Variants in AURKB observed in about 807,000 individuals in gnomAD.
AURKB encodes aurora kinase B.
Under a neutral mutation model 36.5 loss-of-function variants are expected in AURKB, and 28 were observed. The observed-to-expected ratio is 0.77, with a 90% CI of 0.57 to 1.05. The LOEUF (loss-of-function observed/expected upper bound fraction) is 1.05. Ranked by LOEUF, AURKB falls within the 50% of genes least tolerant of loss-of-function variation. The probability of loss-of-function intolerance (pLI) is 0.00; values close to 1 mark genes in which losing one functional copy is unlikely to be tolerated. For missense variants in AURKB, 383 were observed against 447.4 expected (o/e 0.86, Z 1.30); for synonymous variants, 175 against 172.9 (o/e 1.01, Z -0.09).
In AURKB at chr17:8,205,372, G is replaced by A. The variant is rs779524563; in HGVS notation, c.705C>T (p.Gly235=). 8.7e-6 allele frequency: 14 copies of A among 1,614,024 alleles called. No individual in the cohort carries two copies. Among genetic ancestry groups the A allele is most frequent in the Non-Finnish European group, 1.2e-5 (14 of 1,180,000 alleles). ...TCTCTGGGGGCAGGTAGTCCAGGGT[G>A]CCACACATTGTCTTCCTCCTGGGAG... ...APSLRRKTMC[G]TLDYLPPEMI... The change falls in exon 8 of 9, where the codon GGC becomes GGT. Residue 235 remains glycine (G), a synonymous_variant. Transcript: ENST00000585124.
chr17:8,209,957 C>A (rs1985885115), intron 2 of AURKB: 2 of 624,154 alleles, frequency 3.2e-6, no homozygotes, highest in African/African-American at 3.7e-5. Context: ...TCCTCACCAG[C>A]TGGGAGTCAC....
At position 8,207,590 on chromosome 17, in the gene AURKB, C is replaced by T. The variant is rs967208121; in HGVS notation, c.187G>A (p.Gly63Arg). The T allele has an allele frequency of 3.7e-6, 6 of 1,613,714 alleles. No individual in the cohort carries two copies. The highest frequency in any genetic ancestry group is 2.2e-5 in the East Asian group (1 of 44,880). Residue 63 changes from glycine to arginine, a missense_variant, in exon 4 of 9, where the codon GGG becomes AGG. Physicochemically the swap from Gly to Arg is moderately radical, Grantham distance 125. Around this residue, in one of 3 missense-constraint regions of AURKB, gnomAD observed 105 missense variants for 95.7 expected, o/e 1.10. Transcript: ENST00000585124. ...ACTTACGTTAAGATGTCGGGTGTCC[C>T]ACTGCTATTCTCCATCACCTTCTGG... ...PGQKVMENSS[G>R]TPDILTRHFT...
Position 8,207,742 on chromosome 17 carries a change from G to A in AURKB, c.147C>T (p.Pro49=). Residue 49 remains proline (P), a synonymous_variant, in exon 3 of 9, where the codon CCC becomes CCT. Coordinates refer to ENST00000585124, the MANE Select transcript of AURKB (RefSeq NM_004217.4). ...TCTCCCCCTTGCGCCAGTTACCTGT[G>A]GGCTGGACATTGGAGCGGCTCATGA... The part of the protein sequence containing the change: ...LVLMSRSNVQ[P]TAAPGQKVME... 1 of 1,614,104 alleles carries A rather than the reference G, an allele frequency of 6.2e-7. No individual in the cohort carries two copies. Among genetic ancestry groups the A allele is most frequent in the East Asian group, 2.2e-5 (1 of 44,880 alleles).
At position 8,206,767 on chromosome 17, in the gene AURKB, C is replaced by G. The variant is rs199630207; in HGVS notation, c.520G>C (p.Glu174Gln). Residue 174 changes from glutamate (E) to glutamine (Q), a missense_variant, in exon 6 of 9, where the codon GAG becomes CAG. By Grantham distance (29) the Glu-to-Gln change is conservative (BLOSUM62 2). This residue lies in a region of AURKB where 219 missense variants were observed against 252.6 expected (regional missense o/e 0.87). Transcript: ENST00000585124. This position sits in a 1 kb window ranked among gnomAD's most constrained non-coding sequence, Gnocchi z 4.2. ...KELQKSCTFD[E>Q]QRTATIMEEL... ...GCCCGGACCGTGGCTGTTCGCTGCT[C>G]GTCAAATGTGCAGCTCTTCTGCAGC... 5 of 1,613,968 alleles carry G rather than the reference C, an allele frequency of 3.1e-6. No individual in the cohort carries two copies. Among genetic ancestry groups the G allele is most frequent in the African/African-American group, 1.3e-5 (1 of 74,938 alleles).
In AURKB at chr17:8,207,566, C is replaced by T. The variant is rs761751193; in HGVS notation, c.206+5G>A. The T allele has an allele frequency of 1.5e-5, 24 of 1,612,958 alleles. No individual in the cohort carries two copies. The highest frequency in any genetic ancestry group is 2.7e-5 in the African/African-American group (2 of 74,892). On this transcript the variant is annotated splice_donor_5th_base_variant and intron_variant, in intron 4 of 8. Transcript: ENST00000585124. The stretch of plus-strand genomic sequence containing the variant: ...CCCGTCCACCCCCAGGCTTGGGGCA[C>T]TTACGTTAAGATGTCGGGTGTCCCA...
Position 8,206,992 on chromosome 17 carries a change from G to A in AURKB, c.399-104C>T. On this transcript the variant is annotated intron_variant, in intron 5 of 8. Coordinates refer to ENST00000585124, the MANE Select transcript of AURKB (RefSeq NM_004217.4). This position sits in a 1 kb window ranked among gnomAD's most constrained non-coding sequence, Gnocchi z 4.2. Reference sequence around the variant, plus strand: ...GACGTGGCCCAGGCCGGGGACACCAGGGCTGGGAGTGGTAAGGGGAAACTG... The same window carrying A: ...GACGTGGCCCAGGCCGGGGACACCAAGGCTGGGAGTGGTAAGGGGAAACTG... The A allele has an allele frequency of 6.4e-7, 1 of 1,556,200 alleles. No individual in the cohort carries two copies. Among genetic ancestry groups the A allele is most frequent in the South Asian group, 1.2e-5 (1 of 85,646 alleles).
Position 8,206,993 on chromosome 17 carries a change from G to A in AURKB, c.399-105C>T. ...ACGTGGCCCAGGCCGGGGACACCAG[G>A]GCTGGGAGTGGTAAGGGGAAACTGG... On this transcript the variant is annotated intron_variant, in intron 5 of 8. Coordinates refer to ENST00000585124, the MANE Select transcript of AURKB (RefSeq NM_004217.4). This position sits in a 1 kb window ranked among gnomAD's most constrained non-coding sequence, Gnocchi z 4.2. 4 of 1,549,044 alleles carry A rather than the reference G, an allele frequency of 2.6e-6. No individual in the cohort carries two copies. In the South Asian group the frequency reaches 3.5e-5, roughly 14 times the overall value.
At chr17:8,205,433 G>C in intron 7 of AURKB, 43 bp from the exon 8 acceptor site, 1 of 1,597,506 alleles carries the variant, frequency 6.3e-7, no homozygotes, top group Non-Finnish European at 8.5e-7. Flanking sequence ...TAGTGACATA[G>C]GAACTCTCCT....
chr17:8,207,384 G>A lies in AURKB; in HGVS notation c.207-17C>T, dbSNP rs1165897453. The A allele has an allele frequency of 6.2e-7, 1 of 1,609,410 alleles. No homozygotes were observed. The highest frequency in any genetic ancestry group is 8.5e-7 in the Non-Finnish European group (1 of 1,176,356). ...AAGTGCCGCCTGCTTAGAAAGTGGAGGAAGGCAACTCAGAACCGGTTTTGG... is the reference window on the plus strand; with the variant it reads ...AAGTGCCGCCTGCTTAGAAAGTGGAAGAAGGCAACTCAGAACCGGTTTTGG... On this transcript the variant is annotated splice_polypyrimidine_tract_variant and intron_variant, in intron 4 of 8. Coordinates refer to ENST00000585124, the MANE Select transcript of AURKB (RefSeq NM_004217.4).
At chr17:8,210,360 T>C (rs899595348) in intron 1 of AURKB, 111 bp from the exon 2 acceptor site, 9 of 782,538 alleles carry the variant, frequency 1.2e-5, no homozygotes, top group Non-Finnish European at 1.5e-5. Flanking sequence ...AGGGAGCAGG[T>C]CAGCACACTA....
chr17:8,207,173 T>C lies in AURKB; in HGVS notation c.398+3A>G, dbSNP rs777632679. ...CTTCGGCTCAGGGGGCATCAACCCATACTGCAGGTGGGCCTGGATTTCGAT... is the reference window on the plus strand; with the variant it reads ...CTTCGGCTCAGGGGGCATCAACCCACACTGCAGGTGGGCCTGGATTTCGAT... On this transcript the variant is annotated splice_donor_region_variant and intron_variant, in intron 5 of 8. Coordinates refer to ENST00000585124, the MANE Select transcript of AURKB (RefSeq NM_004217.4). 1 of 1,610,798 alleles carries C rather than the reference T, an allele frequency of 6.2e-7. No individual in the cohort carries two copies. Among genetic ancestry groups the C allele is most frequent in the South Asian group, 1.1e-5 (1 of 90,998 alleles).
chr17:8,208,750 A>G (rs1985732277), intron 2 of AURKB, among the ~76,000 whole-genome samples: 1 of 152,176 alleles, frequency 6.6e-6, no homozygotes, highest in Non-Finnish European at 1.5e-5. Flanking sequence ...CAACCTGTAT[A>G]AGTCCTGTCC....
At chr17:8,207,128 G>A (rs765662740) in intron 5 of AURKB, 48 bp downstream of exon 5, 2 of 1,579,318 alleles carry the variant, frequency 1.3e-6, no homozygotes, top group Non-Finnish European at 1.7e-6. Context: ...TGAGGAGCTG[G>A]GGGTGAGGGA....
chr17:8,205,688 G>A (rs956073021), intron 7 of AURKB, among the ~76,000 whole-genome samples: 1 of 152,152 alleles, frequency 6.6e-6, no homozygotes, highest in Admixed American at 6.5e-5. Flanking sequence ...CATCAGGCAT[G>A]TTCTGGTTAA....
chr17:8,204,895 G>A lies in AURKB; in HGVS notation c.1011C>T (p.Pro337=), dbSNP rs540392594. ...VRANSRRVLP[P]SALQSVA is the part of the protein sequence containing the mutation. ...ATCAGGCGACAGATTGAAGGGCAGA[G>A]GGAGGCAGCACCCTCCGAGAGTTGG... Residue 337 remains proline (P), a synonymous_variant, in exon 9 of 9, where the codon CCC becomes CCT. Transcript: ENST00000585124. The A allele has an allele frequency of 1.4e-5, 23 of 1,609,038 alleles. No homozygotes were observed. The South Asian group carries it at 2.3e-4, about 16-fold the overall frequency.
intron 2 of AURKB, among the ~76,000 whole-genome samples, chr17:8,208,862 A>C (rs1985749768): frequency 6.6e-6 from 1 of 152,174 alleles, no homozygotes; most frequent in African/African-American, 2.4e-5. Flanking sequence ...AGGTATTCTC[A>C]AAGTCTCCTA....
chr17:8,205,536 T>G (rs376866789), intron 7 of AURKB, 146 bp from the exon 8 acceptor site: 5 of 980,014 alleles, frequency 5.1e-6, no homozygotes, highest in African/African-American at 1.6e-5. Flanking sequence ...GGGGGTGGGG[T>G]TGGGGTGATG....
At chr17:8,205,937 G>A (rs140299353) in intron 7 of AURKB, among the ~76,000 whole-genome samples, 1 of 151,990 alleles carries the variant, frequency 6.6e-6, no homozygotes, top group Admixed American at 6.6e-5. Flanking sequence ...TTTTAGTAAA[G>A]ATGGGGTTTC....
In AURKB at chr17:8,205,047, G is replaced by A; in HGVS notation, c.862-3C>T. On this transcript the variant is annotated splice_region_variant and splice_polypyrimidine_tract_variant and intron_variant, in intron 8 of 8. Coordinates refer to ENST00000585124, the MANE Select transcript of AURKB (RefSeq NM_004217.4). ...GAAGCGGGGAACTTTAGGTCCACCT[G>A]CAGGTGTGAAGAGATGGAAGGGCTG... is the stretch of plus-strand genomic sequence containing the variant. 1.9e-6 allele frequency: 3 copies of A among 1,582,240 alleles called. No individual in the cohort carries two copies. The highest frequency in any genetic ancestry group is 1.7e-6 in the Non-Finnish European group (2 of 1,166,870).
Sources: allele counts gnomAD v4.1 joint callset (sites outside exome capture counted in the v4.1 genomes callset), GRCh38; gene constraint gnomAD v4.1.1; regional missense constraint gnomAD v4.1.1; non-coding constraint Gnocchi (gnomAD v3.1); transcripts MANE v1.5; gene names NCBI Gene and HGNC (gene_info 2026-07-23, HGNC 2026-07-21).